The following TRA2B variants were observed in gnomAD, a reference collection of about 807,000 sequenced individuals.
The protein encoded by TRA2B is transformer-2 protein homolog beta.
In TRA2B, 14 loss-of-function variants were observed where a neutral mutation model predicts 41.7. That is an observed-to-expected ratio of 0.34 (90% confidence interval 0.22 to 0.53). TRA2B has a LOEUF of 0.53. TRA2B is among the 20% of genes least tolerant of loss of function. The pLI, the probability that TRA2B is intolerant of heterozygous loss-of-function variation, is 0.95. For synonymous variants in TRA2B, 130 were observed against 128.8 expected (o/e 1.01, Z -0.06); for missense variants, 167 against 396.8 (o/e 0.42, Z 4.92).
intron 1 of TRA2B, among the ~76,000 whole-genome samples, chr3:185,930,251 G>T (rs1744100259): frequency 6.6e-6 from 1 of 152,074 alleles, no homozygotes. Flanking sequence ...CCATGGGCTT[G>T]GAATTAAAAT....
intron 1 of TRA2B, among the ~76,000 whole-genome samples, chr3:185,932,008 CAT>C (rs1368202376): frequency 6.7e-6 from 1 of 149,500 alleles, no homozygotes; most frequent in East Asian, 2.0e-4. Context: ...CTGAAAACTA[CAT>C]AGTTTTCTGC....
intron 2 of TRA2B, among the ~76,000 whole-genome samples, chr3:185,926,054 T>C (rs1334644154): frequency 6.6e-6 from 1 of 152,096 alleles, no homozygotes; most frequent in Non-Finnish European, 1.5e-5. Flanking sequence ...CTTGACTAAC[T>C]AGAGTGACTC....
At position 185,918,455 on chromosome 3, in the gene TRA2B, A is replaced by G. The variant is rs1743587907; in HGVS notation, c.783-17T>C. 1.3e-6 allele frequency: 2 copies of G among 1,578,982 alleles called. No individual in the cohort carries two copies. The highest frequency in any genetic ancestry group is 4.5e-5 in the East Asian group (2 of 44,672). On this transcript the variant is annotated splice_polypyrimidine_tract_variant and intron_variant, in intron 7 of 8. Coordinates refer to ENST00000453386, the MANE Select transcript of TRA2B (RefSeq NM_004593.3). ...GACCGCCTTCTATAAACAAATGTCA[A>G]GATTGTCTAAGTCTCAATAGATCAC...
intron 1 of TRA2B, chr3:185,937,117 T>C (rs1744392710): frequency 1.0e-6 from 1 of 985,514 alleles, no homozygotes; most frequent in Non-Finnish European, 1.2e-6. Flanking sequence ...ATACAGATTT[T>C]TGCCTGGGAA....
intron 2 of TRA2B, 84 bp downstream of exon 2, chr3:185,926,517 C>T (rs1363122817): frequency 1.3e-6 from 2 of 1,550,940 alleles, no homozygotes; most frequent in Non-Finnish European, 1.8e-6. Context: ...AATAATCTAA[C>T]CCTCTCTACC....
Position 185,937,402 on chromosome 3 carries a change from G to A in TRA2B, c.36+423C>T, listed in dbSNP as rs1744406258. 3 of 1,006,982 alleles carry A rather than the reference G, an allele frequency of 3.0e-6. No individual in the cohort carries two copies. In the South Asian group the frequency reaches 1.3e-4, roughly 42 times the overall value. The allele number at this position is 1,006,982 out of a possible 1,614,324, so 62.4% of individuals were successfully genotyped here. A position where few individuals can be genotyped will look rare whatever the true frequency, so the allele number is the denominator to read the frequency against. On this transcript the variant is annotated intron_variant, in intron 1 of 8. Coordinates refer to ENST00000453386, the MANE Select transcript of TRA2B (RefSeq NM_004593.3). ...GCGCGGCCCGCTGCGGGTCGGGTCCGCGTTGCCGCGCGGCTTCTCCGCCAT... is the reference window on the plus strand; with the variant it reads ...GCGCGGCCCGCTGCGGGTCGGGTCCACGTTGCCGCGCGGCTTCTCCGCCAT...
At chr3:185,922,247 C>T in intron 4 of TRA2B, 121 bp from the exon 5 acceptor site, 1 of 597,584 alleles carries the variant, frequency 1.7e-6, no homozygotes, top group Non-Finnish European at 2.9e-6. Context: ...TAATGTTAGC[C>T]AGAACGTAAG....
At chr3:185,937,284 G>C in intron 1 of TRA2B, 1 of 986,890 alleles carries the variant, frequency 1.0e-6, no homozygotes, top group Non-Finnish European at 1.2e-6. Context: ...TTTCCGTGGA[G>C]GCAAAGACGG....
chr3:185,936,689 A>T (rs75006995), intron 1 of TRA2B: 74,272 of 911,546 alleles, frequency 0.081, 3,486 homozygotes, highest in African/African-American at 0.32. Flanking sequence ...TTTTTTTTTT[A>T]AAAAAGCACA....
At chr3:185,928,134 T>C (rs1201579290) in intron 1 of TRA2B, 3 of 152,186 alleles carry the variant, frequency 2.0e-5, no homozygotes, top group Admixed American at 6.5e-5. Flanking sequence ...CTTTAGAAGA[T>C]AGTTTTGTGG....
At chr3:185,917,930 A>C (rs1191710054) in intron 8 of TRA2B, among the ~76,000 whole-genome samples, 1 of 152,222 alleles carries the variant, frequency 6.6e-6, no homozygotes, top group Non-Finnish European at 1.5e-5. Context: ...GCTGGGAAGT[A>C]TATAACTCAA....
In TRA2B at chr3:185,937,897, T is replaced by G. The variant is rs1560017950; in HGVS notation, c.-37A>C. 3 of 1,613,148 alleles carry G rather than the reference T, an allele frequency of 1.9e-6. No individual in the cohort carries two copies. Among genetic ancestry groups the G allele is most frequent in the Non-Finnish European group, 2.5e-6 (3 of 1,179,904 alleles). ...GCTGTCGCCGGTCGATGTGCTTCAA[T>G]CGAAGCTGCCAACCTCTTGCACCTT... On this transcript the variant is annotated 5_prime_UTR_variant, in exon 1 of 9. Transcript: ENST00000453386.
chr3:185,931,059 T>C (rs571258482), intron 1 of TRA2B, among the ~76,000 whole-genome samples: 1 of 152,360 alleles, frequency 6.6e-6, no homozygotes, highest in East Asian at 1.9e-4. Context: ...TAGTGCCATA[T>C]GGAAAAAACT....
At chr3:185,922,553 A>T (rs1743781523) in intron 4 of TRA2B, 1 of 153,270 alleles carries the variant, frequency 6.5e-6, no homozygotes, top group African/African-American at 2.4e-5. Flanking sequence ...TTATTGGAAT[A>T]GGGCCCCAAC....
At chr3:185,935,559 G>A in intron 1 of TRA2B, 1 of 985,442 alleles carries the variant, frequency 1.0e-6, no homozygotes, top group Non-Finnish European at 1.2e-6. Flanking sequence ...CTGGATTAGA[G>A]ACAGATAAAT....
chr3:185,936,617 A>G lies in TRA2B; in HGVS notation c.36+1208T>C, dbSNP rs368848521. On this transcript the variant is annotated intron_variant, in intron 1 of 8. Transcript: ENST00000453386. The stretch of plus-strand genomic sequence containing the variant: ...CATTTAATAGTCTTATTTACCTGAT[A>G]AATCATATTCAGATCTTAAGGTAGC... 7 of 985,188 alleles carry G rather than the reference A, an allele frequency of 7.1e-6. No homozygotes were observed. The African/African-American group carries it at 1.0e-4, about 15-fold the overall frequency. 61.0% of individuals were successfully genotyped at this position (985,188 alleles called of 1,614,324 possible). A position where few individuals can be genotyped will look rare whatever the true frequency, so the allele number is the denominator to read the frequency against.
At chr3:185,935,220 G>A (rs1462010452) in intron 1 of TRA2B, 1 of 985,414 alleles carries the variant, frequency 1.0e-6, no homozygotes, top group Non-Finnish European at 1.2e-6. Context: ...AATTTTGGGG[G>A]AAGAGTCTTG....
chr3:185,919,401 A>G, intron 7 of TRA2B, 36 bp downstream of exon 7: 2 of 1,559,558 alleles, frequency 1.3e-6, no homozygotes, highest in Non-Finnish European at 1.7e-6. Flanking sequence ...GAAGCTTTAT[A>G]CTGTTGTACA....
chr3:185,931,079 A>C (rs1744131271), intron 1 of TRA2B, among the ~76,000 whole-genome samples: 1 of 152,196 alleles, frequency 6.6e-6, no homozygotes, highest in South Asian at 2.1e-4. Context: ...TAACACACTA[A>C]TGCCAAAGGG....
Sources: allele counts gnomAD v4.1 joint callset (sites outside exome capture counted in the v4.1 genomes callset), GRCh38; gene constraint gnomAD v4.1.1; transcripts MANE v1.5; gene names NCBI Gene and HGNC (gene_info 2026-07-23, HGNC 2026-07-21).